The following RICTOR variants were observed in gnomAD, a reference collection of about 807,000 sequenced individuals.
RICTOR encodes RPTOR independent companion of MTOR complex 2, also known as rapamycin-insensitive companion of mTOR.
Under a neutral mutation model 214.9 loss-of-function variants are expected in RICTOR, and 49 were observed. That is an observed-to-expected ratio of 0.23 (90% CI 0.18 to 0.29). The LOEUF is 0.29. RICTOR is among the 10% of genes least tolerant of loss of function. The pLI is 1.00. For missense variants in RICTOR, 1,625 were observed against 2,047.0 expected (o/e 0.79, Z 3.98); for synonymous variants, 717 against 711.3 (o/e 1.01, Z -0.13).
At chr5:39,064,837 G>T (rs1758786027) in intron 2 of RICTOR, among the ~76,000 whole-genome samples, 1 of 152,180 alleles carries the variant, frequency 6.6e-6, no homozygotes, top group South Asian at 2.1e-4. Context: ...AATATTCCAG[G>T]TCTGTAGTGA....
chr5:39,006,784 A>AGAGGAGAGGAGGGGG (rs1463448203), intron 3 of RICTOR, among the ~76,000 whole-genome samples: 3 of 35,032 alleles, frequency 8.6e-5, no homozygotes, highest in African/African-American at 2.3e-4. Context: ...AGAGGAGGGG[A>AGAGGAGAGGAGGGGG]GGGGAGGGGG....
chr5:38,953,272 G>A (rs1395909327), intron 28 of RICTOR, among the ~76,000 whole-genome samples, 181 bp from the exon 29 acceptor site: 1 of 151,800 alleles, frequency 6.6e-6, no homozygotes, highest in East Asian at 1.9e-4. Context: ...CAAAAGTCAT[G>A]AAACCAATAG....
chr5:38,946,111 T>G (rs906222493), intron 33 of RICTOR, among the ~76,000 whole-genome samples: 1 of 152,182 alleles, frequency 6.6e-6, no homozygotes, highest in Non-Finnish European at 1.5e-5. Flanking sequence ...ACAAAGACCG[T>G]GTATTTTATA....
intron 7 of RICTOR, among the ~76,000 whole-genome samples, chr5:38,986,871 C>T (rs1752210963): frequency 6.6e-6 from 1 of 152,154 alleles, no homozygotes; most frequent in Admixed American, 6.5e-5. Flanking sequence ...TCATAAACAG[C>T]TCTTATTATT....
At chr5:39,065,998 A>G (rs1406119336) in intron 2 of RICTOR, among the ~76,000 whole-genome samples, 1 of 152,198 alleles carries the variant, frequency 6.6e-6, no homozygotes, top group Admixed American at 6.5e-5. Context: ...TCACAGCTCC[A>G]CTAGGCAGTG....
chr5:39,069,362 T>G (rs951746371), intron 2 of RICTOR, among the ~76,000 whole-genome samples: 2 of 152,198 alleles, frequency 1.3e-5, no homozygotes, highest in Non-Finnish European at 2.9e-5. Context: ...ACATAAAAAT[T>G]GCTTGCTGAA....
At position 38,962,928 on chromosome 5, in the gene RICTOR, T is replaced by C. The variant is rs1561464882; in HGVS notation, c.1514A>G (p.His505Arg). The stretch of plus-strand genomic sequence containing the variant: ...TCGGAGATACTGATCCCGTTTCTGG[T>C]GTGTTGCAATTGCTTTCTGAATAAT... ...DHIIQKAIAT[H>R]QKRDQYLRVQ... The change falls in exon 17 of 38, where the codon CAC becomes CGC. Residue 505 changes from histidine (H) to arginine (R), a missense_variant. Transcript: ENST00000357387. The C allele has an allele frequency of 6.2e-7, 1 of 1,612,894 alleles. No homozygotes were observed.
intron 36 of RICTOR, among the ~76,000 whole-genome samples, chr5:38,943,633 C>T (rs1215467749): frequency 2.0e-5 from 3 of 151,984 alleles, no homozygotes; most frequent in African/African-American, 2.4e-5. Context: ...GCTAACCTGG[C>T]GAAACTCTGT....
intron 7 of RICTOR, among the ~76,000 whole-genome samples, chr5:38,986,165 T>C (rs1580001784): frequency 1.3e-5 from 2 of 152,156 alleles, no homozygotes; most frequent in South Asian, 2.1e-4. Context: ...GTTTTCTCCA[T>C]GCTGTTCTCG....
intron 22 of RICTOR, 122 bp from the exon 23 acceptor site, chr5:38,958,953 G>T: frequency 2.7e-6 from 2 of 745,838 alleles, no homozygotes; most frequent in Non-Finnish European, 4.0e-6. Flanking sequence ...TGGTGGTCTA[G>T]CCCTTGATAT....
intron 24 of RICTOR, among the ~76,000 whole-genome samples, chr5:38,958,166 G>T (rs572088388): frequency 1.3e-4 from 20 of 152,040 alleles, no homozygotes; most frequent in Non-Finnish European, 2.6e-4. Context: ...GAACTTGGGA[G>T]GCAGTGGTTG....
At chr5:38,968,699 C>T (rs1428228537) in intron 11 of RICTOR, among the ~76,000 whole-genome samples, 1 of 150,664 alleles carries the variant, frequency 6.6e-6, no homozygotes, top group African/African-American at 2.4e-5. Context: ...GATCATTCCA[C>T]TGCACTCTAG....
chr5:39,027,450 T>C (rs1050933013), intron 2 of RICTOR, among the ~76,000 whole-genome samples: 4 of 152,154 alleles, frequency 2.6e-5, no homozygotes, highest in African/African-American at 7.2e-5. Flanking sequence ...TCTCTCTACA[T>C]TGCTTTTATA....
chr5:38,988,268 G>C (rs567192217), intron 7 of RICTOR, among the ~76,000 whole-genome samples: 105 of 152,112 alleles, frequency 6.9e-4, no homozygotes, highest in African/African-American at 2.4e-3. Context: ...TTTCTGTCTC[G>C]TCGATCTAAT....
chr5:38,990,959 G>T lies in RICTOR; in HGVS notation c.573C>A (p.Ile191=), dbSNP rs754466027. The T allele has an allele frequency of 9.4e-6, 15 of 1,597,490 alleles. No homozygotes were observed. Among genetic ancestry groups the T allele is most frequent in the Non-Finnish European group, 1.2e-5 (14 of 1,171,256 alleles). The change falls in exon 7 of 38, where the codon ATC becomes ATA. Residue 191 remains isoleucine, a synonymous_variant. Coordinates refer to ENST00000357387, the MANE Select transcript of RICTOR (RefSeq NM_152756.5). ...GAAGAAAATTCTGACCTAGTTCACA[G>T]ATAATGGCAATGCATGCTCGGACCA... ...DRMVRACIAI[I]CELALQNPEV...
chr5:39,060,289 A>C (rs1443294672), intron 2 of RICTOR, among the ~76,000 whole-genome samples: 1 of 152,074 alleles, frequency 6.6e-6, no homozygotes, highest in Non-Finnish European at 1.5e-5. Flanking sequence ...GTTTATTCAC[A>C]TGTTATGCAT....
intron 2 of RICTOR, 65 bp downstream of exon 2, chr5:39,074,046 C>A: frequency 7.7e-7 from 1 of 1,303,768 alleles, no homozygotes. Flanking sequence ...CCTCTGGCCC[C>A]CAGCCCCGGA....
rs115720491 is a variant in RICTOR, at chr5:38,954,329, C to T, written c.2697+445G>A. On this transcript the variant is annotated intron_variant, in intron 27 of 37. Coordinates refer to ENST00000357387, the MANE Select transcript of RICTOR (RefSeq NM_152756.5). ...ATGCTTGTTAACATTCCATGAAGTA[C>T]GCGAGAATAAAATGTGCTCACAACC... is the stretch of plus-strand genomic sequence containing the variant. Among the ~76,000 whole-genome samples, 892 of 151,990 alleles carry T rather than the reference C, an allele frequency of 5.9e-3. 9 individuals carry two copies. The highest frequency in any genetic ancestry group is 0.02 in the African/African-American group (850 of 41,520).
At chr5:38,949,406 A>C (rs553518432) in intron 31 of RICTOR, 5 of 1,591,920 alleles carry the variant, frequency 3.1e-6, no homozygotes, top group South Asian at 1.1e-5. Flanking sequence ...TTCCCCCGAC[A>C]TGCTTCTTTT....
Sources: gnomAD v4.1 joint callset for allele counts (sites outside exome capture counted in the v4.1 genomes callset) on GRCh38, gnomAD v4.1.1 for gene constraint, MANE v1.5 for transcripts, NCBI Gene and HGNC (gene_info 2026-07-23, HGNC 2026-07-21) for gene names.